Variants in PACRG observed in about 807,000 individuals in gnomAD.
PACRG encodes the protein parkin coregulated gene protein.
A neutral mutation model predicts 29.7 loss-of-function variants in PACRG; 29 were observed. The observed-to-expected ratio is 0.98, with a 90% CI of 0.73 to 1.33. The LOEUF is 1.33. Among genes scored for constraint, PACRG ranks in the 40% most tolerant of loss-of-function variants. PACRG has a pLI of 0.00. For missense variants in PACRG, 279 were observed against 316.2 expected (o/e 0.88, Z 0.89); for synonymous variants, 116 against 118.7 (o/e 0.98, Z 0.15).
intron 2 of PACRG, chr6:162,957,272 C>T: frequency 1.9e-6 from 1 of 532,924 alleles, no homozygotes; most frequent in South Asian, 1.8e-5. Flanking sequence ...AACACTTTCA[C>T]AATGATTTTC....
intron 1 of PACRG, among the ~76,000 whole-genome samples, chr6:162,790,242 A>T (rs1282254665): frequency 6.6e-6 from 1 of 152,208 alleles, no homozygotes; most frequent in East Asian, 1.9e-4. Flanking sequence ...TTACTGCAGG[A>T]AGTGGATTTA....
intron 2 of PACRG, among the ~76,000 whole-genome samples, chr6:163,012,658 G>A (rs961816681): frequency 5.3e-5 from 8 of 152,240 alleles, no homozygotes; most frequent in African/African-American, 1.9e-4. Context: ...GCTGTGCCAG[G>A]CTGTGAACCT....
chr6:163,144,361 C>G (rs1040826121), intron 4 of PACRG, among the ~76,000 whole-genome samples: 3 of 130,586 alleles, frequency 2.3e-5, no homozygotes, highest in African/African-American at 8.3e-5. Flanking sequence ...CACACACACA[C>G]ACACACACAG....
chr6:163,058,760 C>T (rs879280622), intron 2 of PACRG, among the ~76,000 whole-genome samples: 65 of 152,070 alleles, frequency 4.3e-4, no homozygotes, highest in Non-Finnish European at 9.1e-4. Flanking sequence ...TTTAGCCAGG[C>T]GTGGTGGCAG....
chr6:162,965,555 A>G (rs1037166840), intron 2 of PACRG, among the ~76,000 whole-genome samples: 3 of 152,188 alleles, frequency 2.0e-5, no homozygotes, highest in Non-Finnish European at 4.4e-5. Flanking sequence ...TGAAGGGCTT[A>G]ATCCTCATGA....
At position 162,968,919 on chromosome 6, in the gene PACRG, C is replaced by T. The variant is rs59239301; in HGVS notation, c.292-93231C>T. Among the ~76,000 whole-genome samples the T allele has an allele frequency of 4.7e-3, 719 of 151,694 alleles. 7 individuals carry two copies. The highest frequency in any genetic ancestry group is 0.015 in the African/African-American group (614 of 41,346). Reference sequence around the variant, plus strand: ...AAAATTAGCTGGGCGTGGTGGCGGGCGCCTGTAATCCCAGCTACTCAGGAG... The same window carrying T: ...AAAATTAGCTGGGCGTGGTGGCGGGTGCCTGTAATCCCAGCTACTCAGGAG... On this transcript the variant is annotated intron_variant, in intron 2 of 4. Coordinates refer to ENST00000366888, the MANE Select transcript of PACRG (RefSeq NM_001080379.2).
At chr6:162,785,857 C>T (rs1037322959) in intron 1 of PACRG, among the ~76,000 whole-genome samples, 4 of 152,110 alleles carry the variant, frequency 2.6e-5, no homozygotes, top group Non-Finnish European at 5.9e-5. Context: ...GATTGGGGAC[C>T]CCTACCATGT....
chr6:163,149,577 G>T (rs1013304514), intron 4 of PACRG, among the ~76,000 whole-genome samples: 4 of 151,844 alleles, frequency 2.6e-5, no homozygotes, highest in Admixed American at 1.3e-4. Flanking sequence ...TTTCCCTTCC[G>T]ACTCCCCGAC....
chr6:163,300,539 A>G (rs1205919064), intron 4 of PACRG, among the ~76,000 whole-genome samples: 2 of 152,214 alleles, frequency 1.3e-5, no homozygotes, highest in Admixed American at 6.5e-5. Flanking sequence ...GCCTCTTACT[A>G]TCTCCTGCTT....
At chr6:163,005,905 G>GTT (rs1805035309) in intron 2 of PACRG, among the ~76,000 whole-genome samples, 1 of 145,820 alleles carries the variant, frequency 6.9e-6, no homozygotes, top group South Asian at 2.2e-4. Context: ...AGTTATACGT[G>GTT]TTATATATAT....
intron 2 of PACRG, among the ~76,000 whole-genome samples, chr6:162,947,373 TAATCATATATATA>T (rs1799158814): frequency 4.6e-5 from 1 of 21,732 alleles, no homozygotes; most frequent in Non-Finnish European, 1.5e-4. Context: ...TAATCATATA[TAATCATATATATA>T]ATCATATATA....
intron 1 of PACRG, among the ~76,000 whole-genome samples, chr6:162,771,007 G>A (rs1007541074): frequency 2.0e-5 from 3 of 151,894 alleles, no homozygotes; most frequent in African/African-American, 7.3e-5. Context: ...TATAATCAGG[G>A]CACTTTTTCA....
intron 2 of PACRG, chr6:163,051,812 G>A (rs1810045379): frequency 6.6e-6 from 1 of 152,116 alleles, no homozygotes; most frequent in African/African-American, 2.4e-5. Context: ...TTTATCTCTA[G>A]CATCTGAGGA....
chr6:163,070,145 C>A (rs1377221314), intron 3 of PACRG, among the ~76,000 whole-genome samples: 3 of 152,014 alleles, frequency 2.0e-5, no homozygotes, highest in Non-Finnish European at 4.4e-5. Flanking sequence ...CAAGACCTGT[C>A]CTACAAGAAA....
chr6:162,788,869 A>G (rs1026430184), intron 1 of PACRG, among the ~76,000 whole-genome samples: 3 of 151,888 alleles, frequency 2.0e-5, no homozygotes, highest in Non-Finnish European at 4.4e-5. Context: ...TCTTATTTTG[A>G]GTTTGAAGAG....
At chr6:162,933,601 CTTTTTTTTT>C (rs71008119) in intron 2 of PACRG, among the ~76,000 whole-genome samples, 1 of 74,610 alleles carries the variant, frequency 1.3e-5, no homozygotes, top group African/African-American at 5.7e-5. Flanking sequence ...CTTTCTGTAT[CTTTTTTTTT>C]TTTTTTTTTT....
chr6:162,883,026 C>T (rs1256227664), intron 2 of PACRG, among the ~76,000 whole-genome samples: 2 of 152,168 alleles, frequency 1.3e-5, no homozygotes, highest in African/African-American at 4.8e-5. Context: ...AGTTCCACTC[C>T]CTGTTGCATC....
At chr6:162,795,961 C>T (rs968233807) in intron 1 of PACRG, among the ~76,000 whole-genome samples, 1 of 152,106 alleles carries the variant, frequency 6.6e-6, no homozygotes, top group Admixed American at 6.5e-5. Flanking sequence ...TTCTATGTTA[C>T]TTACCAATTT....
intron 1 of PACRG, among the ~76,000 whole-genome samples, chr6:162,736,854 T>C (rs1780204794): frequency 6.6e-6 from 1 of 152,130 alleles, no homozygotes; most frequent in African/African-American, 2.4e-5. Flanking sequence ...ATGCTAATAT[T>C]TTACATGTTG....
Sources: gnomAD v4.1 joint callset for allele counts (sites outside exome capture counted in the v4.1 genomes callset) on GRCh38, gnomAD v4.1.1 for gene constraint, MANE v1.5 for transcripts, NCBI Gene and HGNC (gene_info 2026-07-23, HGNC 2026-07-21) for gene names.